Variants in CWC22 observed in about 807,000 individuals in gnomAD.
CWC22 encodes the protein pre-mRNA-splicing factor CWC22 homolog.
In CWC22, 53 loss-of-function variants were observed where a neutral mutation model predicts 117.2. The ratio of observed to expected loss-of-function variants is 0.45; its 90% confidence interval spans 0.36 to 0.57. CWC22 has a LOEUF of 0.57. CWC22 is among the 20% of genes least tolerant of loss of function. The pLI, the probability that CWC22 is intolerant of heterozygous loss-of-function variation, is 0.00. For missense variants in CWC22, 980 were observed against 1,068.8 expected (o/e 0.92, Z 1.16); for synonymous variants, 360 against 355.6 (o/e 1.01, Z -0.14).
chr2:179,987,134 C>G (rs896059959), intron 3 of CWC22, among the ~76,000 whole-genome samples: 1 of 152,158 alleles, frequency 6.6e-6, no homozygotes, highest in African/African-American at 2.4e-5. Flanking sequence ...ACAAATGACT[C>G]CTTTTGCTTA....
At chr2:179,986,608 T>C in intron 4 of CWC22, 87 bp downstream of exon 4, 1 of 691,542 alleles carries the variant, frequency 1.4e-6, no homozygotes, top group Non-Finnish European at 2.4e-6. Flanking sequence ...TGTTAGCTAG[T>C]ATTATTTTTG....
chr2:179,986,046 T>C (rs1466802398), intron 4 of CWC22, among the ~76,000 whole-genome samples: 1 of 152,104 alleles, frequency 6.6e-6, no homozygotes, highest in Non-Finnish European at 1.5e-5. Context: ...AATGTCTGAC[T>C]CTTCTTAAAT....
intron 19 of CWC22, among the ~76,000 whole-genome samples, chr2:179,948,545 C>T (rs564090120): frequency 6.6e-6 from 1 of 152,286 alleles, no homozygotes; most frequent in South Asian, 2.1e-4. Flanking sequence ...CACCACCTTA[C>T]TCAAGTGATC....
intron 13 of CWC22, among the ~76,000 whole-genome samples, chr2:179,960,105 C>T (rs1686709260): frequency 6.6e-6 from 1 of 152,074 alleles, no homozygotes; most frequent in African/African-American, 2.4e-5. Flanking sequence ...TTTCCCACTA[C>T]AAACTGGTCA....
chr2:179,996,336 GA>G (rs1687698287), intron 1 of CWC22, among the ~76,000 whole-genome samples: 2 of 151,970 alleles, frequency 1.3e-5, no homozygotes, highest in South Asian at 4.1e-4. Context: ...ATATGCCTGG[GA>G]AATTTCAGCC....
Position 179,950,599 on chromosome 2 carries a change from A to C in CWC22, c.2053T>G (p.Ser685Ala). The change falls in exon 19 of 20, where the codon TCT (serine) becomes GCT (alanine). Residue 685 changes from serine (S) to alanine (A), a missense_variant. By Grantham distance (99) the Ser-to-Ala change is moderately conservative. Around this residue, in one of 3 missense-constraint regions of CWC22, gnomAD observed 306 missense variants for 296.8 expected, o/e 1.03. Transcript: ENST00000410053. ...SSSSESDSSDSDSDSSDSSSE... is the reference protein window; with the variant it reads ...SSSSESDSSDADSDSSDSSSE... ...CTGCTATCACTGCTGTCAGAATCAG[A>C]GTCGGATGAGTCAGACTCTGAAGAG... 6.2e-7 allele frequency: 1 copy of C among 1,613,528 alleles called. No individual in the cohort carries two copies. The highest frequency in any genetic ancestry group is 8.5e-7 in the Non-Finnish European group (1 of 1,179,580).
rs762149875 is a variant in CWC22 at position 179,964,640 on chromosome 2, A to G, written c.1316-12T>C. 93 of 1,423,712 alleles carry G rather than the reference A, an allele frequency of 6.5e-5. No homozygotes were observed. The highest frequency in any genetic ancestry group is 8.7e-5 in the Non-Finnish European group (90 of 1,035,834). 88.2% of individuals were successfully genotyped at this position (1,423,712 alleles called of 1,614,324 possible). A position where few individuals can be genotyped will look rare whatever the true frequency, so the allele number is the denominator to read the frequency against. On this transcript the variant is annotated splice_polypyrimidine_tract_variant and intron_variant, in intron 12 of 19. Coordinates refer to ENST00000410053, the MANE Select transcript of CWC22 (RefSeq NM_020943.3). ...AGTTACTTTTTGTCCTGAAAGAAACATAACAAAATTACACAACTGCAAAAA... is the reference window on the plus strand; with the variant it reads ...AGTTACTTTTTGTCCTGAAAGAAACGTAACAAAATTACACAACTGCAAAAA...
At chr2:179,965,147 T>C (rs1036327410) in intron 12 of CWC22, among the ~76,000 whole-genome samples, 3 of 152,188 alleles carry the variant, frequency 2.0e-5, no homozygotes, top group Admixed American at 6.5e-5. Flanking sequence ...ATGTAGTACA[T>C]GGATAGAAGA....
At chr2:180,001,995 T>C (rs746058708) in intron 1 of CWC22, among the ~76,000 whole-genome samples, 32 of 152,230 alleles carry the variant, frequency 2.1e-4, no homozygotes, top group Non-Finnish European at 3.7e-4. Context: ...TCTTTCTCCA[T>C]ATTATCTGTG....
intron 5 of CWC22, among the ~76,000 whole-genome samples, chr2:179,979,594 G>GT (rs1687236937): frequency 1.3e-5 from 2 of 152,218 alleles, no homozygotes; most frequent in South Asian, 2.1e-4. Context: ...AACGAGTATT[G>GT]TATCACTGAT....
intron 6 of CWC22, among the ~76,000 whole-genome samples, chr2:179,976,218 G>C (rs931432116): frequency 6.6e-6 from 1 of 152,142 alleles, no homozygotes; most frequent in African/African-American, 2.4e-5. Context: ...AATGAAAATA[G>C]ACCTTAGTCC....
intron 14 of CWC22, among the ~76,000 whole-genome samples, chr2:179,957,535 T>C (rs1035266945): frequency 2.0e-5 from 3 of 152,138 alleles, no homozygotes; most frequent in Non-Finnish European, 4.4e-5. Context: ...CCAATAACAC[T>C]TTATTCATAA....
At chr2:179,958,279 C>T (rs942047890) in intron 14 of CWC22, among the ~76,000 whole-genome samples, 3 of 138,138 alleles carry the variant, frequency 2.2e-5, no homozygotes, top group Admixed American at 7.9e-5. Context: ...TGCAGTGAGC[C>T]GAGATCATGC....
At chr2:179,984,004 A>G (rs998633498) in intron 4 of CWC22, among the ~76,000 whole-genome samples, 2 of 152,162 alleles carry the variant, frequency 1.3e-5, no homozygotes, top group Admixed American at 6.5e-5. Flanking sequence ...CTAAAAGTCT[A>G]AATAGAAACA....
At chr2:179,980,313 T>G (rs1687254202) in intron 5 of CWC22, among the ~76,000 whole-genome samples, 1 of 152,186 alleles carries the variant, frequency 6.6e-6, no homozygotes, top group African/African-American at 2.4e-5. Context: ...AAGAAAAACT[T>G]ATTAGTTTTG....
At chr2:179,959,935 T>C (rs1398676588) in intron 13 of CWC22, among the ~76,000 whole-genome samples, 3 of 152,070 alleles carry the variant, frequency 2.0e-5, no homozygotes, top group African/African-American at 7.2e-5. Context: ...AAGAGGTATA[T>C]GCATTGAATT....
In CWC22 at chr2:179,950,345, G is replaced by T. The variant is rs76177315; in HGVS notation, c.2140+167C>A. Among the ~76,000 whole-genome samples, 127 of 152,224 alleles carry T rather than the reference G, an allele frequency of 8.3e-4. 2 individuals carry two copies. The East Asian group carries it at 0.019, about 23-fold the overall frequency. On this transcript the variant is annotated intron_variant, in intron 19 of 19. Coordinates refer to ENST00000410053, the MANE Select transcript of CWC22 (RefSeq NM_020943.3). The stretch of plus-strand genomic sequence containing the variant: ...AGGTAATCCCAGCATTATAAATGTT[G>T]TATTACAGACTGCAAGAATGATAGA...
intron 1 of CWC22, among the ~76,000 whole-genome samples, chr2:180,001,893 ATGAAT>A (rs1687857624): frequency 6.6e-6 from 1 of 152,188 alleles, no homozygotes; most frequent in African/African-American, 2.4e-5. Flanking sequence ...GTATTTGCTC[ATGAAT>A]TTATGTTTTG....
intron 13 of CWC22, among the ~76,000 whole-genome samples, chr2:179,962,244 C>A (rs1686770291): frequency 6.6e-6 from 1 of 152,108 alleles, no homozygotes; most frequent in African/African-American, 2.4e-5. Context: ...TCAACAAAAA[C>A]AAATTTAAAA....
Sources: allele counts gnomAD v4.1 joint callset (sites outside exome capture counted in the v4.1 genomes callset), GRCh38; gene constraint gnomAD v4.1.1; regional missense constraint gnomAD v4.1.1; transcripts MANE v1.5; gene names NCBI Gene and HGNC (gene_info 2026-07-23, HGNC 2026-07-21).